Variants in NCAN observed in about 807,000 individuals in gnomAD.
The protein encoded by NCAN is neurocan core protein.
NCAN carries 47 observed loss-of-function variants against 121.8 expected under a neutral mutation model. The observed-to-expected ratio is 0.39, with a 90% CI of 0.31 to 0.49. NCAN has a LOEUF of 0.49. NCAN is among the 20% of genes least tolerant of loss of function. The pLI, the probability that NCAN is intolerant of heterozygous loss-of-function variation, is 0.92. For missense variants in NCAN, 1,517 were observed against 1,773.4 expected (o/e 0.86, Z 2.60); for synonymous variants, 633 against 702.0 (o/e 0.90, Z 1.55).
intron 12 of NCAN, among the ~76,000 whole-genome samples, chr19:19,242,432 G>A (rs1229180738): frequency 6.6e-6 from 1 of 150,770 alleles, no homozygotes; most frequent in Non-Finnish European, 1.5e-5. Flanking sequence ...ACTCACGCCT[G>A]TAATCCCAGC....
intron 9 of NCAN, among the ~76,000 whole-genome samples, chr19:19,234,774 G>C (rs2060874853): frequency 6.6e-6 from 1 of 152,230 alleles, no homozygotes; most frequent in Admixed American, 6.5e-5. Flanking sequence ...AGTGGCATCT[G>C]CTCTCATTAA....
At chr19:19,221,236 G>T (rs2060815662) in intron 3 of NCAN, among the ~76,000 whole-genome samples, 1 of 147,984 alleles carries the variant, frequency 6.8e-6, no homozygotes, top group Non-Finnish European at 1.5e-5. Flanking sequence ...GCAAGACCCT[G>T]TCTCAAAAAT....
rs759651783 is a variant in NCAN, at chr19:19,227,627, C to T, written c.2007C>T (p.Pro669=). 1.5e-5 allele frequency: 24 copies of T among 1,613,852 alleles called. No homozygotes were observed. Among genetic ancestry groups the T allele is most frequent in the South Asian group, 3.3e-5 (3 of 91,086 alleles). The change falls in exon 8 of 15, where the codon CCC becomes CCT. Residue 669 remains proline, a synonymous_variant. Coordinates refer to ENST00000252575, the MANE Select transcript of NCAN (RefSeq NM_004386.3). This position sits in a 1 kb window ranked among gnomAD's most constrained non-coding sequence, Gnocchi z 4.2. ...GTGAGGCCACCGCCACGGCTCCACC[C>T]TCCCCTGCTGCAGAGACCAAGGTGT... ...AHGEATATAP[P]SPAAETKVYS... is the part of the protein sequence containing the mutation.
chr19:19,236,581 G>T (rs1444024918), intron 10 of NCAN, among the ~76,000 whole-genome samples: 1 of 151,864 alleles, frequency 6.6e-6, no homozygotes, highest in African/African-American at 2.4e-5. Flanking sequence ...GGGTCATATG[G>T]TAACTCTAGG....
chr19:19,225,320 A>C lies in NCAN; in HGVS notation c.1072+50A>C. 1 of 1,464,472 alleles carries C rather than the reference A, an allele frequency of 6.8e-7. No homozygotes were observed. The highest frequency in any genetic ancestry group is 8.9e-7 in the Non-Finnish European group (1 of 1,122,742). The allele number at this position is 1,464,472 out of a possible 1,614,324, so 90.7% of individuals were successfully genotyped here. On this transcript the variant is annotated intron_variant, in intron 6 of 14. Transcript: ENST00000252575. The surrounding 1 kb of genome is among the most constrained non-coding windows in gnomAD (Gnocchi z 4.0). Reference sequence around the variant, plus strand: ...GCCCCCAGGGCTTTCACTTTGGCGAAGGCCACGTCCCTGAAAGCCTCGCCA... The same window carrying C: ...GCCCCCAGGGCTTTCACTTTGGCGACGGCCACGTCCCTGAAAGCCTCGCCA...
chr19:19,238,012 C>G (rs895195435), intron 10 of NCAN, among the ~76,000 whole-genome samples: 1 of 151,860 alleles, frequency 6.6e-6, no homozygotes, highest in Non-Finnish European at 1.5e-5. Flanking sequence ...CATTGCACGC[C>G]AGCCTGGGCG....
At chr19:19,215,200 A>G (rs2060792160) in intron 1 of NCAN, among the ~76,000 whole-genome samples, 1 of 152,164 alleles carries the variant, frequency 6.6e-6, no homozygotes, top group Non-Finnish European at 1.5e-5. Flanking sequence ...GAACTGGGGA[A>G]AGGGACAGCT....
intron 2 of NCAN, among the ~76,000 whole-genome samples, chr19:19,218,104 C>A (rs904626566): frequency 6.6e-6 from 1 of 150,484 alleles, no homozygotes; most frequent in Non-Finnish European, 1.5e-5. Context: ...CATGGTGAAA[C>A]CCATCTCTAC....
intron 8 of NCAN, among the ~76,000 whole-genome samples, chr19:19,228,871 T>A (rs899660658): frequency 1.4e-4 from 22 of 152,196 alleles, no homozygotes; most frequent in Admixed American, 2.6e-4. Flanking sequence ...TAGCGCTTGA[T>A]CAATTTCGGG....
chr19:19,244,803 A>G (rs1057199489), intron 12 of NCAN, among the ~76,000 whole-genome samples: 6 of 145,320 alleles, frequency 4.1e-5, no homozygotes, highest in Admixed American at 2.9e-4. Context: ...ATCTCGGCTC[A>G]CTGCAACCTC....
intron 8 of NCAN, among the ~76,000 whole-genome samples, chr19:19,231,370 G>A (rs768470826): frequency 2.7e-5 from 4 of 147,730 alleles, no homozygotes; most frequent in East Asian, 2.0e-4. Context: ...TTTCTCCGTC[G>A]CCCAGGCTGG....
intron 12 of NCAN, among the ~76,000 whole-genome samples, chr19:19,243,400 C>T (rs906490791): frequency 6.6e-6 from 1 of 151,256 alleles, no homozygotes; most frequent in African/African-American, 2.4e-5. Flanking sequence ...CGTGTAATCC[C>T]AGCTACTCAG....
Position 19,227,094 on chromosome 19 carries a change from C to A in NCAN, c.1660+21C>A, listed in dbSNP as rs769935052. Reference sequence around the variant, plus strand: ...AGCTGGTGAGTTGCTCTGGGGGAGGCGGGACCTACCTGGGGATCTGGAGGT... The same window carrying A: ...AGCTGGTGAGTTGCTCTGGGGGAGGAGGGACCTACCTGGGGATCTGGAGGT... On this transcript the variant is annotated intron_variant, in intron 7 of 14. Coordinates refer to ENST00000252575, the MANE Select transcript of NCAN (RefSeq NM_004386.3). This position sits in a 1 kb window ranked among gnomAD's most constrained non-coding sequence, Gnocchi z 4.2. 6.7e-7 allele frequency: 1 copy of A among 1,502,868 alleles called. No individual in the cohort carries two copies. The highest frequency in any genetic ancestry group is 1.4e-5 in the African/African-American group (1 of 71,474). 93.1% of individuals were successfully genotyped at this position (1,502,868 alleles called of 1,614,324 possible).
At position 19,249,922 on chromosome 19, in the gene NCAN, AAAAG is replaced by A. The variant is rs760576844; in HGVS notation, c.*16_*19del. 46 of 1,609,992 alleles carry A rather than the reference AAAAG, an allele frequency of 2.9e-5. No homozygotes were observed. The Admixed American group carries it at 7.8e-4, about 27-fold the overall frequency. On this transcript the variant is annotated 3_prime_UTR_variant, in exon 15 of 15. Transcript: ENST00000252575. ...GGGAATTTCTGCTGAAGAACCAGAA[AAAAG>A]AAAGCACAACACCTTTCCCATGCCT...
At chr19:19,234,316 A>G (rs1482807274) in intron 9 of NCAN, among the ~76,000 whole-genome samples, 1 of 152,148 alleles carries the variant, frequency 6.6e-6, no homozygotes, top group African/African-American at 2.4e-5. Flanking sequence ...ACAACAACAA[A>G]TATAAATGAC....
Position 19,228,168 on chromosome 19 carries a change from G to A in NCAN, c.2548G>A (p.Val850Met), listed in dbSNP as rs749206157. The A allele has an allele frequency of 5.6e-6, 9 of 1,613,768 alleles. No individual in the cohort carries two copies. In the Admixed American group the frequency reaches 1.5e-4, roughly 27 times the overall value. ...TGGAATTTGGGAACCTGGATCCCAGGTGTTTGAAGAAGCCGAAAGCACCAC... is the reference window on the plus strand; with the variant it reads ...TGGAATTTGGGAACCTGGATCCCAGATGTTTGAAGAAGCCGAAAGCACCAC... ...ASGIWEPGSQ[V>M]FEEAESTTLS... is the part of the protein sequence containing the mutation. Residue 850 changes from valine to methionine, a missense_variant, in exon 8 of 15, where the codon GTG (valine) becomes ATG (methionine). Val to Met is a conservative substitution (Grantham distance 21, BLOSUM62 1). Coordinates refer to ENST00000252575, the MANE Select transcript of NCAN (RefSeq NM_004386.3).
rs749713126 is a variant in NCAN at position 19,224,059 on chromosome 19, G to A, written c.514G>A (p.Ala172Thr). ...CTACCGATCAGCCCGGGACCGCTATGCACTGACCTTCGCTGAGGCCCAGGA... is the reference window on the plus strand; with the variant it reads ...CTACCGATCAGCCCGGGACCGCTATACACTGACCTTCGCTGAGGCCCAGGA... ...FHYRSARDRY[A>T]LTFAEAQEAC... Residue 172 changes from alanine to threonine, a missense_variant, in exon 4 of 15, where the codon GCA becomes ACA. By Grantham distance (58) the Ala-to-Thr change is moderately conservative (BLOSUM62 0). Coordinates refer to ENST00000252575, the MANE Select transcript of NCAN (RefSeq NM_004386.3). 6.3e-7 allele frequency: 1 copy of A among 1,589,520 alleles called. No homozygotes were observed.
chr19:19,221,805 G>A (rs77341319), intron 3 of NCAN, among the ~76,000 whole-genome samples: 4,915 of 152,032 alleles, frequency 0.032, 234 homozygotes, highest in African/African-American at 0.1. Context: ...TGGGAGGATC[G>A]CTTAAGTCTG....
rs776859152 is a variant in NCAN, at chr19:19,228,654, C to T, written c.3019+15C>T. 1 of 1,594,080 alleles carries T rather than the reference C, an allele frequency of 6.3e-7. No individual in the cohort carries two copies. Among genetic ancestry groups the T allele is most frequent in the Admixed American group, 1.7e-5 (1 of 59,472 alleles). On this transcript the variant is annotated intron_variant, in intron 8 of 14. Transcript: ENST00000252575. ...TGCGGAGGAGGGTGAGTACAAAGTC[C>T]CGGGGCTCTGTCCAGCTCTCCATGG... is the stretch of plus-strand genomic sequence containing the variant.
Sources: gnomAD v4.1 joint callset for allele counts (sites outside exome capture counted in the v4.1 genomes callset) on GRCh38, gnomAD v4.1.1 for gene constraint, Gnocchi (gnomAD v3.1) non-coding constraint, MANE v1.5 for transcripts, NCBI Gene and HGNC (gene_info 2026-07-23, HGNC 2026-07-21) for gene names.